Variants in DCC observed in about 807,000 individuals in gnomAD.
The protein encoded by DCC is DCC netrin 1 receptor.
Under a neutral mutation model 172.5 loss-of-function variants are expected in DCC, and 58 were observed. The observed-to-expected ratio is 0.34, with a 90% CI of 0.27 to 0.42. The LOEUF is 0.42. Ranked by LOEUF, DCC falls within the 10% of genes least tolerant of loss-of-function variation. The probability of loss-of-function intolerance (pLI) is 1.00; values close to 1 mark genes in which losing one functional copy is unlikely to be tolerated. For synonymous variants in DCC, 709 were observed against 644.5 expected (o/e 1.10, Z -1.52); for missense variants, 1,740 against 1,791.0 (o/e 0.97, Z 0.51).
At chr18:52,344,833 G>A (rs1186195272) in intron 1 of DCC, among the ~76,000 whole-genome samples, 1 of 152,176 alleles carries the variant, frequency 6.6e-6, no homozygotes, top group Non-Finnish European at 1.5e-5. Context: ...AGAGAATGCA[G>A]TTGTTTCCGG....
At chr18:53,302,569 T>G (rs1159372485) in intron 12 of DCC, among the ~76,000 whole-genome samples, 1 of 152,176 alleles carries the variant, frequency 6.6e-6, no homozygotes, top group East Asian at 1.9e-4. Context: ...TTTTTCAGAC[T>G]GCACTCTTTT....
chr18:52,739,808 G>A (rs935054225), intron 1 of DCC, among the ~76,000 whole-genome samples: 1 of 152,130 alleles, frequency 6.6e-6, no homozygotes, highest in African/African-American at 2.4e-5. Context: ...TTGCAATTGA[G>A]AATACCTTCT....
chr18:53,033,581 G>T (rs147978029), intron 5 of DCC, among the ~76,000 whole-genome samples: 1 of 152,148 alleles, frequency 6.6e-6, no homozygotes, highest in African/African-American at 2.4e-5. Context: ...AATGCACACT[G>T]GTTCCCATTC....
chr18:52,451,912 C>T (rs1988317821), intron 1 of DCC, among the ~76,000 whole-genome samples: 1 of 152,150 alleles, frequency 6.6e-6, no homozygotes, highest in Admixed American at 6.5e-5. Flanking sequence ...ACTTCTGCTT[C>T]TGTCTTCTCT....
chr18:52,872,401 G>C (rs1226169499), intron 2 of DCC, among the ~76,000 whole-genome samples: 4 of 146,560 alleles, frequency 2.7e-5, no homozygotes, highest in Non-Finnish European at 6.1e-5. Flanking sequence ...CTGGACAAGG[G>C]AAAGCCTCAG....
chr18:52,510,205 A>C (rs2031385207), intron 1 of DCC, among the ~76,000 whole-genome samples: 3 of 151,804 alleles, frequency 2.0e-5, no homozygotes, highest in African/African-American at 7.3e-5. Flanking sequence ...CTTGTCTTGT[A>C]ACTCAGGACC....
intron 5 of DCC, among the ~76,000 whole-genome samples, chr18:52,926,112 C>T (rs2040197837): frequency 6.6e-6 from 1 of 151,856 alleles, no homozygotes; most frequent in Admixed American, 6.6e-5. Context: ...AACAACCAAA[C>T]ATTGAATCTT....
chr18:52,967,056 G>A (rs540517136), intron 5 of DCC, among the ~76,000 whole-genome samples: 1 of 152,244 alleles, frequency 6.6e-6, no homozygotes, highest in African/African-American at 2.4e-5. Context: ...CTCAGAAGCA[G>A]CATGCTTAAA....
Position 53,075,894 on chromosome 18 carries a change from C to A in DCC, c.1261+9728C>A, listed in dbSNP as rs374406454. Among the ~76,000 whole-genome samples the A allele has an allele frequency of 3.9e-5, 6 of 152,276 alleles. No homozygotes were observed. The East Asian group carries it at 9.7e-4, about 24-fold the overall frequency. On this transcript the variant is annotated intron_variant, in intron 7 of 28. Transcript: ENST00000442544. Reference sequence around the variant, plus strand: ...GGCTGCAATTGGTACTATTTCCCTCCTGCTACCCGCTGTAAATTCCTCTTA... The same window carrying A: ...GGCTGCAATTGGTACTATTTCCCTCATGCTACCCGCTGTAAATTCCTCTTA...
At chr18:53,315,481 A>C (rs1353089307) in intron 13 of DCC, among the ~76,000 whole-genome samples, 1 of 152,176 alleles carries the variant, frequency 6.6e-6, no homozygotes, top group Admixed American at 6.5e-5. Flanking sequence ...TATACCCAGT[A>C]ATGGGATCGC....
intron 15 of DCC, among the ~76,000 whole-genome samples, chr18:53,349,409 A>C (rs185066051): frequency 1.3e-5 from 2 of 152,128 alleles, no homozygotes; most frequent in Non-Finnish European, 2.9e-5. Flanking sequence ...ACATTGTCCT[A>C]TCTTCTTCTG....
intron 5 of DCC, among the ~76,000 whole-genome samples, chr18:53,037,559 TA>T (rs916246133): frequency 6.6e-6 from 1 of 151,970 alleles, no homozygotes. Context: ...TAGAAGATCA[TA>T]AAAAATTGTT....
At chr18:53,044,921 T>C (rs892949000) in intron 5 of DCC, among the ~76,000 whole-genome samples, 3 of 151,840 alleles carry the variant, frequency 2.0e-5, no homozygotes, top group Non-Finnish European at 4.4e-5. Context: ...TATAGCTATA[T>C]ATATGTATGC....
chr18:53,168,478 C>T (rs1179231756), intron 8 of DCC, among the ~76,000 whole-genome samples: 2 of 149,820 alleles, frequency 1.3e-5, no homozygotes, highest in Non-Finnish European at 3.0e-5. Context: ...GAAGACCAAA[C>T]ACCACATGTT....
intron 1 of DCC, among the ~76,000 whole-genome samples, chr18:52,655,109 A>T (rs1484542774): frequency 1.3e-5 from 2 of 152,190 alleles, no homozygotes; most frequent in Non-Finnish European, 2.9e-5. Context: ...TTAAACAGTC[A>T]TTCTGCCTTT....
At chr18:52,465,077 T>C (rs1988746306) in intron 1 of DCC, among the ~76,000 whole-genome samples, 1 of 152,182 alleles carries the variant, frequency 6.6e-6, no homozygotes, top group Non-Finnish European at 1.5e-5. Context: ...AGAGATGTTC[T>C]GGGACTGCCA....
chr18:53,511,451 G>A (rs183660239), intron 27 of DCC, among the ~76,000 whole-genome samples: 2 of 152,208 alleles, frequency 1.3e-5, no homozygotes, highest in African/African-American at 4.8e-5. Context: ...ATAGAGGGTC[G>A]AGAAGCCAAG....
intron 1 of DCC, among the ~76,000 whole-genome samples, chr18:52,670,500 T>C (rs1038542903): frequency 6.6e-6 from 1 of 152,222 alleles, no homozygotes; most frequent in African/African-American, 2.4e-5. Context: ...GTCTCTTTCC[T>C]ATATAGATTC....
intron 1 of DCC, among the ~76,000 whole-genome samples, chr18:52,408,414 G>A (rs1204262729): frequency 6.6e-6 from 1 of 151,962 alleles, no homozygotes; most frequent in African/African-American, 2.4e-5. Flanking sequence ...CAGGATGCAT[G>A]AAGAATTATG....
Sources: gnomAD v4.1 joint callset for allele counts (sites outside exome capture counted in the v4.1 genomes callset) on GRCh38, gnomAD v4.1.1 for gene constraint, MANE v1.5 for transcripts, NCBI Gene and HGNC (gene_info 2026-07-23, HGNC 2026-07-21) for gene names.